N4BP2: variants seen among roughly 807,000 people sequenced by gnomAD.
The protein encoded by N4BP2 is NEDD4-binding protein 2.
Under a neutral mutation model 152.8 loss-of-function variants are expected in N4BP2, and 91 were observed. The observed-to-expected ratio is 0.60, with a 90% CI of 0.50 to 0.71. The LOEUF (loss-of-function observed/expected upper bound fraction) is 0.71, where lower values mean the gene tolerates loss of function less well. N4BP2 is among the 30% of genes least tolerant of loss of function. N4BP2 has a pLI of 0.00. For synonymous variants in N4BP2, 646 were observed against 705.3 expected (o/e 0.92, Z 1.33); for missense variants, 1,923 against 2,059.1 (o/e 0.93, Z 1.28).
intron 1 of N4BP2, among the ~76,000 whole-genome samples, chr4:40,063,742 C>G (rs1733831580): frequency 6.6e-6 from 1 of 151,976 alleles, no homozygotes; most frequent in Non-Finnish European, 1.5e-5. Flanking sequence ...CTCCCGTGTT[C>G]AAGCGATTCT....
At chr4:40,149,980 T>C (rs1161816788) in intron 16 of N4BP2, among the ~76,000 whole-genome samples, 1 of 151,676 alleles carries the variant, frequency 6.6e-6, no homozygotes, top group East Asian at 1.9e-4. Flanking sequence ...AGATCCAAGA[T>C]GCAGATCTTT....
chr4:40,129,370 G>T (rs1184069748), intron 12 of N4BP2, among the ~76,000 whole-genome samples: 1 of 152,122 alleles, frequency 6.6e-6, no homozygotes, highest in Non-Finnish European at 1.5e-5. Flanking sequence ...GGAATTACAG[G>T]TGTCTGCTAC....
downstream of N4BP2, among the ~76,000 whole-genome samples, chr4:40,161,001 C>T (rs753631420): frequency 1.3e-5 from 2 of 152,132 alleles, no homozygotes; most frequent in Non-Finnish European, 2.9e-5. Context: ...TTCCCACCCC[C>T]AGAAGGACTG....
chr4:40,132,773 T>G (rs1719012380), intron 13 of N4BP2, among the ~76,000 whole-genome samples: 1 of 152,276 alleles, frequency 6.6e-6, no homozygotes, highest in African/African-American at 2.4e-5. Flanking sequence ...TTTAGTTTAT[T>G]AATATATTTC....
intron 2 of N4BP2, among the ~76,000 whole-genome samples, chr4:40,076,152 G>A (rs1267219265): frequency 6.6e-6 from 1 of 152,114 alleles, no homozygotes; most frequent in Non-Finnish European, 1.5e-5. Flanking sequence ...AAGATGATTG[G>A]TTACTTTAAT....
Position 40,111,954 on chromosome 4 carries a change from A to G in N4BP2, c.1499-130A>G, listed in dbSNP as rs1018431136. ...TTAATTTTTATGTCCTCAAAGGGAT[A>G]TTTAGAAGTTGAGCAGTGAGTAAAA... On this transcript the variant is annotated intron_variant, in intron 5 of 17. Transcript: ENST00000261435. 5 of 568,706 alleles carry G rather than the reference A, an allele frequency of 8.8e-6. No individual in the cohort carries two copies. The African/African-American group carries it at 1.0e-4, about 11-fold the overall frequency. 35.2% of individuals were successfully genotyped at this position (568,706 alleles called of 1,614,324 possible). A position where few individuals can be genotyped will look rare whatever the true frequency, so the allele number is the denominator to read the frequency against.
chr4:40,080,310 G>GTATA (rs140955860), intron 2 of N4BP2, among the ~76,000 whole-genome samples: 15,732 of 146,940 alleles, frequency 0.11, 1,153 homozygotes, highest in East Asian at 0.41. Context: ...AGTGTGAGCT[G>GTATA]TATATATATA....
At chr4:40,122,771 T>C (rs747834309) in intron 9 of N4BP2, among the ~76,000 whole-genome samples, 12 of 152,232 alleles carry the variant, frequency 7.9e-5, no homozygotes, top group Non-Finnish European at 1.5e-4. Context: ...GATGAACCTT[T>C]TAAAATCCTT....
In N4BP2 at chr4:40,102,624, G is replaced by GCAGT; in HGVS notation, c.781_784dup (p.Leu262GlnfsTer13). The stretch of plus-strand genomic sequence containing the variant: ...GCAAGTGACTCCATCGCAGGTTGTA[G>GCAGT]CAGTCTCAATCAAAAACAGAAAGAA... On this transcript the variant is annotated frameshift_variant, in exon 4 of 18. Coordinates refer to ENST00000261435, the MANE Select transcript of N4BP2 (RefSeq NM_018177.6). LOFTEE classifies it high-confidence loss of function. 6.2e-7 allele frequency: 1 copy of GCAGT among 1,614,154 alleles called. No homozygotes were observed. Among genetic ancestry groups the GCAGT allele is most frequent in the Non-Finnish European group, 8.5e-7 (1 of 1,180,040 alleles).
intron 2 of N4BP2, among the ~76,000 whole-genome samples, chr4:40,093,488 C>A (rs958035334): frequency 2.0e-5 from 3 of 151,872 alleles, no homozygotes; most frequent in African/African-American, 7.3e-5. Context: ...CTCACTGCAA[C>A]CTTTGCTTCC....
chr4:40,098,291 T>C (rs1292354937), intron 3 of N4BP2, among the ~76,000 whole-genome samples: 3 of 152,218 alleles, frequency 2.0e-5, no homozygotes, highest in African/African-American at 4.8e-5. Flanking sequence ...TGCCACTTAA[T>C]CTCCCTGAGT....
intron 2 of N4BP2, among the ~76,000 whole-genome samples, chr4:40,089,111 T>A (rs1344199850): frequency 6.6e-6 from 1 of 152,024 alleles, no homozygotes; most frequent in East Asian, 1.9e-4. Context: ...CCACCATGCC[T>A]GGCTGATTGT....
intron 5 of N4BP2, 73 bp from the exon 6 acceptor site, chr4:40,112,011 G>T (rs1716930195): frequency 2.6e-6 from 2 of 763,692 alleles, no homozygotes; most frequent in South Asian, 1.9e-5. Flanking sequence ...ATTATGAAAA[G>T]ATCAGATTTT....
intron 13 of N4BP2, among the ~76,000 whole-genome samples, chr4:40,133,032 T>C (rs1048601368): frequency 9.2e-5 from 14 of 152,126 alleles, no homozygotes; most frequent in Admixed American, 7.9e-4. Context: ...TTCCCTCTGC[T>C]GTGGAAAGTT....
At chr4:40,143,901 A>G (rs765479012) in intron 15 of N4BP2, among the ~76,000 whole-genome samples, 1 of 152,128 alleles carries the variant, frequency 6.6e-6, no homozygotes, top group African/African-American at 2.4e-5. Context: ...ATTGGCTCTC[A>G]CAGTCATAGA....
At chr4:40,146,582 A>T (rs1365343408) in intron 16 of N4BP2, among the ~76,000 whole-genome samples, 4 of 152,192 alleles carry the variant, frequency 2.6e-5, no homozygotes, top group Non-Finnish European at 5.9e-5. Flanking sequence ...CAATGTGATG[A>T]TTTGATAAAT....
the N4BP2 span, among the ~76,000 whole-genome samples, chr4:40,174,811 A>C: frequency 6.6e-6 from 1 of 151,942 alleles, no homozygotes; most frequent in African/African-American, 2.4e-5. Context: ...CAAAACAAAC[A>C]AAACTGTGCT....
chr4:40,070,795 AAT>A (rs897192876), intron 1 of N4BP2, among the ~76,000 whole-genome samples: 2 of 151,724 alleles, frequency 1.3e-5, no homozygotes, highest in Admixed American at 1.3e-4. Context: ...TTGTTCCAAA[AAT>A]GTTTTTGATT....
the N4BP2 span, among the ~76,000 whole-genome samples, chr4:40,165,271 T>C: frequency 1.3e-5 from 2 of 152,134 alleles, no homozygotes; most frequent in African/African-American, 4.8e-5. Flanking sequence ...GTACTTTTTT[T>C]TTTGACTTGC....
Sources: allele counts gnomAD v4.1 joint callset (sites outside exome capture counted in the v4.1 genomes callset), GRCh38; gene constraint gnomAD v4.1.1; transcripts MANE v1.5; gene names NCBI Gene and HGNC (gene_info 2026-07-23, HGNC 2026-07-21).